Variants in TNRC6B observed in about 807,000 individuals in gnomAD.
TNRC6B encodes the protein trinucleotide repeat-containing gene 6B protein.
A neutral mutation model predicts 203.6 loss-of-function variants in TNRC6B; 52 were observed. The observed-to-expected ratio is 0.26, with a 90% CI of 0.20 to 0.32. The LOEUF (loss-of-function observed/expected upper bound fraction) is 0.32, where lower values mean the gene tolerates loss of function less well. Ranked by LOEUF, TNRC6B falls within the 10% of genes least tolerant of loss-of-function variation. The pLI is 1.00. For synonymous variants in TNRC6B, 838 were observed against 845.7 expected, an observed-to-expected ratio of 0.99 and a Z score of 0.16; for missense variants, 1,923 against 2,286.2, an observed-to-expected ratio of 0.84 and a Z score of 3.24.
intron 1 of TNRC6B, among the ~76,000 whole-genome samples, chr22:40,224,671 A>C (rs372696849): frequency 1.3e-4 from 20 of 152,236 alleles, no homozygotes; most frequent in African/African-American, 4.8e-4. Flanking sequence ...AATCAGCCAC[A>C]GGTTTTTCAA....
At chr22:40,084,476 G>A (rs1273694064) in intron 1 of TNRC6B, among the ~76,000 whole-genome samples, 2 of 152,186 alleles carry the variant, frequency 1.3e-5, no homozygotes, top group Admixed American at 1.3e-4. Context: ...GACTAATTGT[G>A]CCAGAGAGTT....
intron 7 of TNRC6B, among the ~76,000 whole-genome samples, chr22:40,274,207 T>G (rs1447988131): frequency 6.6e-6 from 1 of 152,114 alleles, no homozygotes; most frequent in African/African-American, 2.4e-5. Context: ...TTATAAATGC[T>G]TTTGCATTCT....
chr22:40,173,035 TTC>T (rs2069017160), upstream of TNRC6B, among the ~76,000 whole-genome samples: 1 of 152,246 alleles, frequency 6.6e-6, no homozygotes, highest in Non-Finnish European at 1.5e-5. Context: ...TGTTTGTGAC[TTC>T]TCTCTTTCAA....
chr22:40,090,956 T>C (rs1305223080), intron 1 of TNRC6B, among the ~76,000 whole-genome samples: 1 of 152,156 alleles, frequency 6.6e-6, no homozygotes, highest in Admixed American at 6.5e-5. Context: ...CTTCATCCAA[T>C]GATGAGACAA....
At chr22:40,154,863 A>ATG (rs1847575388) in intron 3 of TNRC6B, among the ~76,000 whole-genome samples, 1 of 28,392 alleles carries the variant, frequency 3.5e-5, no homozygotes, top group Non-Finnish European at 5.6e-5. Flanking sequence ...AAAAAAAAAT[A>ATG]TATATATATA....
chr22:40,298,167 A>T (rs903918704), intron 12 of TNRC6B, among the ~76,000 whole-genome samples: 4 of 152,014 alleles, frequency 2.6e-5, no homozygotes, highest in East Asian at 1.9e-4. Context: ...AAAAATCATT[A>T]AAAAAAACCC....
chr22:40,189,498 CAAA>C (rs56029573), intron 1 of TNRC6B, among the ~76,000 whole-genome samples: 18 of 112,270 alleles, frequency 1.6e-4, no homozygotes, highest in East Asian at 1.3e-3. Flanking sequence ...TTTGTCTGCC[CAAA>C]AAAAAAAAAA....
chr22:40,287,112 C>G (rs1601491056), intron 12 of TNRC6B, among the ~76,000 whole-genome samples: 2 of 152,136 alleles, frequency 1.3e-5, no homozygotes. Flanking sequence ...TGGGCTCAAG[C>G]AGTCCTCCCT....
rs1555899927 is a variant in TNRC6B, at chr22:40,316,016, A to C, written c.4974+4A>C. 6.2e-7 allele frequency: 1 copy of C among 1,613,148 alleles called. No homozygotes were observed. Among genetic ancestry groups the C allele is most frequent in the South Asian group, 1.1e-5 (1 of 90,990 alleles). ...TCTTCACAATCTCACCCCACAGGTA[A>C]TTATGCTTTCTCGCAGTTTTCTAGA... On this transcript the variant is annotated splice_donor_region_variant and intron_variant, in intron 21 of 22. Coordinates refer to ENST00000454349, the MANE Select transcript of TNRC6B (RefSeq NM_001162501.2).
intron 1 of TNRC6B, among the ~76,000 whole-genome samples, chr22:40,196,166 A>G (rs144434119): frequency 6.6e-6 from 1 of 151,330 alleles, no homozygotes; most frequent in African/African-American, 2.4e-5. Context: ...GCTTACCTCT[A>G]ATGGATTTTT....
upstream of TNRC6B, chr22:40,177,788 A>G: frequency 8.0e-7 from 1 of 1,247,182 alleles, no homozygotes; most frequent in South Asian, 3.1e-5. Flanking sequence ...CATTTCACAA[A>G]TGAAAGTGAG....
At chr22:40,223,266 G>A (rs2069740343) in intron 1 of TNRC6B, among the ~76,000 whole-genome samples, 1 of 152,162 alleles carries the variant, frequency 6.6e-6, no homozygotes, top group African/African-American at 2.4e-5. Flanking sequence ...TCAGCCTGCT[G>A]AGTAGCTGGG....
intron 12 of TNRC6B, among the ~76,000 whole-genome samples, chr22:40,299,097 A>G (rs1284845672): frequency 4.7e-5 from 7 of 150,448 alleles, no homozygotes; most frequent in South Asian, 4.2e-4. Flanking sequence ...GTGAGCCATG[A>G]TCACGCCACT....
chr22:40,172,494 A>T (rs941441634), intron 4 of TNRC6B, among the ~76,000 whole-genome samples: 4 of 152,172 alleles, frequency 2.6e-5, no homozygotes, highest in Non-Finnish European at 5.9e-5. Flanking sequence ...CCATCCTTGT[A>T]TTGTTGGTGT....
At chr22:40,229,824 G>A (rs2069842328) in intron 1 of TNRC6B, among the ~76,000 whole-genome samples, 1 of 152,176 alleles carries the variant, frequency 6.6e-6, no homozygotes, top group African/African-American at 2.4e-5. Context: ...GTAGCATTCT[G>A]TTGTATATTC....
intron 1 of TNRC6B, among the ~76,000 whole-genome samples, chr22:40,206,485 C>T (rs141535502): frequency 7.2e-5 from 11 of 152,234 alleles, no homozygotes; most frequent in Middle Eastern, 3.4e-3. Flanking sequence ...GTTAAGAAGG[C>T]TCAATTATTT....
intron 1 of TNRC6B, among the ~76,000 whole-genome samples, chr22:40,207,177 TA>T (rs1295826265): frequency 2.6e-5 from 4 of 152,072 alleles, no homozygotes; most frequent in African/African-American, 9.7e-5. Flanking sequence ...TGGATTCAGA[TA>T]AATATGAAAA....
intron 15 of TNRC6B, among the ~76,000 whole-genome samples, chr22:40,307,612 A>G (rs1027971888): frequency 2.0e-5 from 3 of 151,922 alleles, no homozygotes; most frequent in Admixed American, 6.6e-5. Context: ...AGCTCTGTGC[A>G]GTGGGAACAC....
At chr22:40,093,791 C>G (rs1352288581) in intron 1 of TNRC6B, among the ~76,000 whole-genome samples, 1 of 152,104 alleles carries the variant, frequency 6.6e-6, no homozygotes. Context: ...TGTTGTTTAA[C>G]TTCTCCGTTT....
Sources: allele counts gnomAD v4.1 joint callset (sites outside exome capture counted in the v4.1 genomes callset), GRCh38; gene constraint gnomAD v4.1.1; transcripts MANE v1.5; gene names NCBI Gene and HGNC (gene_info 2026-07-23, HGNC 2026-07-21).